Variants in NTNG2 observed in about 807,000 individuals in gnomAD.
The protein encoded by NTNG2 is netrin-G2.
Under a neutral mutation model 47.6 loss-of-function variants are expected in NTNG2, and 15 were observed. That is an observed-to-expected ratio of 0.32 (90% CI 0.21 to 0.49). The LOEUF (loss-of-function observed/expected upper bound fraction) is 0.49, where lower values mean the gene tolerates loss of function less well. NTNG2 is among the 20% of genes least tolerant of loss of function. The probability of loss-of-function intolerance (pLI) is 0.99; values close to 1 mark genes in which losing one functional copy is unlikely to be tolerated. For synonymous variants in NTNG2, 307 were observed against 324.6 expected (o/e 0.95, Z 0.58); for missense variants, 578 against 764.6 (o/e 0.76, Z 2.88).
chr9:132,166,179 A>G (rs1370115162), intron 1 of NTNG2, 170 bp from the exon 2 acceptor site: 5 of 154,008 alleles, frequency 3.2e-5, no homozygotes, highest in South Asian at 2.0e-4. Flanking sequence ...TCCCCAGTGA[A>G]CACCTCAGTA....
intron 3 of NTNG2, among the ~76,000 whole-genome samples, chr9:132,207,841 C>T (rs1409586569): frequency 2.0e-5 from 3 of 152,162 alleles, no homozygotes; most frequent in Admixed American, 6.5e-5. Flanking sequence ...CGGTGGCTCA[C>T]GCCTGTAACC....
chr9:132,185,610 G>A (rs886813856), intron 2 of NTNG2, among the ~76,000 whole-genome samples: 1 of 151,932 alleles, frequency 6.6e-6, no homozygotes, highest in Non-Finnish European at 1.5e-5. Flanking sequence ...GGGCTTCTCC[G>A]GATGTAGCCC....
chr9:132,227,624 C>G (rs1321609854), intron 4 of NTNG2, among the ~76,000 whole-genome samples: 1 of 152,204 alleles, frequency 6.6e-6, no homozygotes, highest in African/African-American at 2.4e-5. Flanking sequence ...TTCCGTTATC[C>G]CTTTTTACAG....
At position 132,205,655 on chromosome 9, in the gene NTNG2, C is replaced by T. The variant is rs112346096; in HGVS notation, c.857+7046C>T. On this transcript the variant is annotated intron_variant, in intron 3 of 7. Transcript: ENST00000393229. ...CAGCACTTTGGGAGGCCGAGGCGGG[C>T]GGATCACTTGAGGTCAGGAGCTCAA... Among the ~76,000 whole-genome samples, 807 of 151,964 alleles carry T rather than the reference C, an allele frequency of 5.3e-3. 9 individuals carry two copies. Among genetic ancestry groups the T allele is most frequent in the African/African-American group, 0.018 (759 of 41,440 alleles).
At position 132,242,389 on chromosome 9, in the gene NTNG2, C is replaced by CTTTTTT; in HGVS notation, c.*290_*295dup. On this transcript the variant is annotated 3_prime_UTR_variant, in exon 8 of 8. Coordinates refer to ENST00000393229, the MANE Select transcript of NTNG2 (RefSeq NM_032536.4). This position sits in a 1 kb window ranked among gnomAD's most constrained non-coding sequence, Gnocchi z 5.9. ...TCCTTTTTTGTCTTTCTCTCTCTCT[C>CTTTTTT]TTTTTTTTTTTTTTTTTCTGGCGGT... The CTTTTTT allele has an allele frequency of 7.5e-6, 1 of 134,194 alleles. No homozygotes were observed. The highest frequency in any genetic ancestry group is 1.6e-5 in the Non-Finnish European group (1 of 64,398). 8.3% of individuals were successfully genotyped at this position (134,194 alleles called of 1,614,324 possible).
rs1199246893 is a variant in NTNG2, at chr9:132,216,381, C to CCTCTCTCTCTCT, written c.858-10445_858-10434dup. ...GGTAAGAATCTGGCTGCTGACTCAG[C>CCTCTCTCTCTCT]CTCTCTCTCTCTCTCTCTCTCTCTC... On this transcript the variant is annotated intron_variant, in intron 3 of 7. Coordinates refer to ENST00000393229, the MANE Select transcript of NTNG2 (RefSeq NM_032536.4). Among the ~76,000 whole-genome samples, 16 of 120,930 alleles carry CCTCTCTCTCTCT rather than the reference C, an allele frequency of 1.3e-4. 1 individual carries two copies. Among genetic ancestry groups the CCTCTCTCTCTCT allele is most frequent in the African/African-American group, 5.3e-4 (14 of 26,216 alleles). 79.3% of individuals were successfully genotyped at this position (120,930 alleles called of 152,430 possible).
rs542089911 is a variant in NTNG2, at chr9:132,166,863, G to A, written c.32G>A (p.Cys11Tyr). The A allele has an allele frequency of 3.7e-6, 6 of 1,614,166 alleles. No homozygotes were observed. The highest frequency in any genetic ancestry group is 1.7e-4 in the Middle Eastern group (1 of 6,056). The change falls in exon 2 of 8, where the codon TGC (cysteine) becomes TAC (tyrosine). Residue 11 changes from cysteine to tyrosine, a missense_variant. By Grantham distance (194) the Cys-to-Tyr change is radical. Transcript: ENST00000393229. MLHLLALFLH[C>Y]LPLASGDYDI... Reference sequence around the variant, plus strand: ...CATCTGCTGGCGCTCTTCCTGCACTGCCTCCCTCTGGCCTCTGGGGACTAT... The same window carrying A: ...CATCTGCTGGCGCTCTTCCTGCACTACCTCCCTCTGGCCTCTGGGGACTAT...
chr9:132,176,326 C>T (rs2131331225), intron 2 of NTNG2, among the ~76,000 whole-genome samples: 1 of 152,310 alleles, frequency 6.6e-6, no homozygotes, highest in South Asian at 2.1e-4. Flanking sequence ...AATAGAAAAC[C>T]CTGCACCCGT....
intron 3 of NTNG2, among the ~76,000 whole-genome samples, chr9:132,219,417 A>G (rs1358968437): frequency 6.6e-6 from 1 of 151,706 alleles, no homozygotes; most frequent in Non-Finnish European, 1.5e-5. Flanking sequence ...TACTAAAAAT[A>G]CAAAAATTAG....
intron 3 of NTNG2, among the ~76,000 whole-genome samples, chr9:132,223,850 C>A (rs1252985127): frequency 6.6e-6 from 1 of 152,180 alleles, no homozygotes; most frequent in Non-Finnish European, 1.5e-5. Flanking sequence ...GAGCAGGACA[C>A]GCCTAACCAG....
rs1250456971 is a variant in NTNG2, at chr9:132,182,831, CTGGCTCT to C, written c.214-15134_214-15128del. Among the ~76,000 whole-genome samples the C allele has an allele frequency of 6.6e-6, 1 of 152,230 alleles. No homozygotes were observed. The highest frequency in any genetic ancestry group is 2.4e-5 in the African/African-American group (1 of 41,464). On this transcript the variant is annotated intron_variant, in intron 2 of 7. Transcript: ENST00000393229. This position sits in a 1 kb window ranked among gnomAD's most constrained non-coding sequence, Gnocchi z 4.2. The stretch of plus-strand genomic sequence containing the variant: ...CCAGGCTGCCCTCTAAGCCACTCGG[CTGGCTCT>C]CAGCCGGGGTGCACACTGGACTTGC...
chr9:132,195,380 C>T (rs571591753), intron 2 of NTNG2, among the ~76,000 whole-genome samples: 3 of 152,110 alleles, frequency 2.0e-5, no homozygotes, highest in African/African-American at 7.2e-5. Flanking sequence ...GCGATCTCGG[C>T]TTACTGCAAG....
chr9:132,216,838 G>A (rs895442510), intron 3 of NTNG2, among the ~76,000 whole-genome samples: 3 of 152,212 alleles, frequency 2.0e-5, no homozygotes, highest in African/African-American at 7.2e-5. Flanking sequence ...AGAGGCTGGT[G>A]CCAGGAGGGC....
chr9:132,198,977 G>A (rs1403244815), intron 3 of NTNG2, among the ~76,000 whole-genome samples: 5 of 152,068 alleles, frequency 3.3e-5, no homozygotes, highest in Non-Finnish European at 7.4e-5. Context: ...TCTACTTCTT[G>A]AGATGTTACT....
At chr9:132,209,092 C>G (rs1251260738) in intron 3 of NTNG2, among the ~76,000 whole-genome samples, 1 of 152,250 alleles carries the variant, frequency 6.6e-6, no homozygotes, top group Non-Finnish European at 1.5e-5. Context: ...CGTGGAAGGA[C>G]GTTTCGGTGG....
intron 2 of NTNG2, among the ~76,000 whole-genome samples, chr9:132,177,472 G>T (rs77683467): frequency 6.6e-6 from 1 of 152,144 alleles, no homozygotes; most frequent in Non-Finnish European, 1.5e-5. Context: ...GTTAATTTTT[G>T]TATCTGGTGT....
At position 132,208,553 on chromosome 9, in the gene NTNG2, C is replaced by T. The variant is rs1014289776; in HGVS notation, c.857+9944C>T. ...GCAGGGACAGGGGCTGTGATGTGGG[C>T]CGCCTGGAGGTGGTCTTTGGTGGCA... On this transcript the variant is annotated intron_variant, in intron 3 of 7. Coordinates refer to ENST00000393229, the MANE Select transcript of NTNG2 (RefSeq NM_032536.4). The surrounding 1 kb of genome is among the most constrained non-coding windows in gnomAD (Gnocchi z 4.0). Among the ~76,000 whole-genome samples the T allele has an allele frequency of 6.6e-6, 1 of 151,932 alleles. No homozygotes were observed. Among genetic ancestry groups the T allele is most frequent in the Admixed American group, 6.5e-5 (1 of 15,272 alleles).
rs1472643540 is a variant in NTNG2 at position 132,221,561 on chromosome 9, C to T, written c.858-5288C>T. Reference sequence around the variant, plus strand: ...AGCTCCTCCCTGCAGCCCTGCTAGACAGGGCAATTCTCTCCTTTGGAAGAG... The same window carrying T: ...AGCTCCTCCCTGCAGCCCTGCTAGATAGGGCAATTCTCTCCTTTGGAAGAG... On this transcript the variant is annotated intron_variant, in intron 3 of 7. Coordinates refer to ENST00000393229, the MANE Select transcript of NTNG2 (RefSeq NM_032536.4). This position sits in a 1 kb window ranked among gnomAD's most constrained non-coding sequence, Gnocchi z 4.2. Among the ~76,000 whole-genome samples the T allele has an allele frequency of 6.6e-6, 1 of 152,256 alleles. No individual in the cohort carries two copies. The highest frequency in any genetic ancestry group is 6.5e-5 in the Admixed American group (1 of 15,292).
intron 2 of NTNG2, among the ~76,000 whole-genome samples, chr9:132,188,162 G>A (rs1417053367): frequency 6.6e-6 from 1 of 152,210 alleles, no homozygotes; most frequent in Non-Finnish European, 1.5e-5. Context: ...TGCTTCCCCC[G>A]TGCTCGAGTC....
Sources: gnomAD v4.1 joint callset for allele counts (sites outside exome capture counted in the v4.1 genomes callset) on GRCh38, gnomAD v4.1.1 for gene constraint, Gnocchi (gnomAD v3.1) non-coding constraint, MANE v1.5 for transcripts, NCBI Gene and HGNC (gene_info 2026-07-23, HGNC 2026-07-21) for gene names.